The following UNC5C variants were observed in gnomAD, a reference collection of about 807,000 sequenced individuals.
The protein encoded by UNC5C is unc-5 netrin receptor C.
Under a neutral mutation model 99.8 loss-of-function variants are expected in UNC5C, and 47 were observed. That is an observed-to-expected ratio of 0.47 (90% confidence interval 0.37 to 0.60). The LOEUF (loss-of-function observed/expected upper bound fraction) is 0.60, where lower values mean the gene tolerates loss of function less well. UNC5C is among the 20% of genes least tolerant of loss of function. The pLI is 0.00. For synonymous variants in UNC5C, 487 were observed against 452.2 expected (o/e 1.08, Z -0.98); for missense variants, 1,062 against 1,165.9 (o/e 0.91, Z 1.30).
At chr4:95,463,051 A>T (rs748393105) in intron 1 of UNC5C, among the ~76,000 whole-genome samples, 9 of 152,182 alleles carry the variant, frequency 5.9e-5, no homozygotes, top group Admixed American at 5.9e-4. Flanking sequence ...GTAGTCTTCC[A>T]GCTGCCGCCC....
chr4:95,215,997 G>T, intron 10 of UNC5C, 127 bp downstream of exon 10: 1 of 656,980 alleles, frequency 1.5e-6, no homozygotes, highest in Non-Finnish European at 2.5e-6. Context: ...TAGGTCAAGG[G>T]AAAAAGAATG....
rs560600116 is a variant in UNC5C, at chr4:95,521,164, C to T, written c.124+27570G>A. Among the ~76,000 whole-genome samples the T allele has an allele frequency of 4.6e-5, 7 of 150,968 alleles. No homozygotes were observed. In the South Asian group the frequency reaches 1.3e-3, roughly 27 times the overall value. The stretch of plus-strand genomic sequence containing the variant: ...ATCCTCACATTGCTTTTCCTTGGTA[C>T]ATACAGAAAGAGAGATCTAGTGTCT... On this transcript the variant is annotated intron_variant, in intron 1 of 15. Coordinates refer to ENST00000453304, the MANE Select transcript of UNC5C (RefSeq NM_003728.4).
chr4:95,424,050 G>C (rs1011847809), intron 1 of UNC5C, among the ~76,000 whole-genome samples: 1 of 151,988 alleles, frequency 6.6e-6, no homozygotes, highest in Non-Finnish European at 1.5e-5. Context: ...TAAATAAAAA[G>C]GTCAGCATTA....
chr4:95,497,174 C>T (rs558549789), intron 1 of UNC5C, among the ~76,000 whole-genome samples: 1 of 151,942 alleles, frequency 6.6e-6, no homozygotes, highest in African/African-American at 2.4e-5. Flanking sequence ...ACTTATTTTT[C>T]TTTGGGTAGA....
chr4:95,320,464 G>C (rs1579322105), intron 2 of UNC5C, among the ~76,000 whole-genome samples: 1 of 146,988 alleles, frequency 6.8e-6, no homozygotes, highest in Non-Finnish European at 1.5e-5. Context: ...GAAAGTAAAA[G>C]AGACTCTTCT....
chr4:95,501,014 T>G (rs546158134), intron 1 of UNC5C, among the ~76,000 whole-genome samples: 2 of 152,258 alleles, frequency 1.3e-5, no homozygotes, highest in African/African-American at 4.8e-5. Flanking sequence ...TACTACTCCC[T>G]GTGTGTTAAT....
chr4:95,275,700 T>C (rs1440698028), intron 4 of UNC5C, among the ~76,000 whole-genome samples: 1 of 152,240 alleles, frequency 6.6e-6, no homozygotes, highest in Non-Finnish European at 1.5e-5. Flanking sequence ...GAAAAACTTA[T>C]TGATTTGGAG....
intron 1 of UNC5C, among the ~76,000 whole-genome samples, chr4:95,451,683 TC>T (rs1747282780): frequency 6.6e-6 from 1 of 152,218 alleles, no homozygotes; most frequent in Non-Finnish European, 1.5e-5. Flanking sequence ...ATAAAATTCT[TC>T]TACAGACACT....
At chr4:95,442,892 T>C (rs925631972) in intron 1 of UNC5C, among the ~76,000 whole-genome samples, 1 of 152,146 alleles carries the variant, frequency 6.6e-6, no homozygotes, top group Admixed American at 6.5e-5. Flanking sequence ...TATAGCTTCT[T>C]CTTGTATTAT....
intron 11 of UNC5C, 40 bp from the exon 12 acceptor site, chr4:95,203,004 G>A: frequency 6.2e-7 from 1 of 1,603,590 alleles, no homozygotes; most frequent in Non-Finnish European, 8.5e-7. Context: ...AAGTCACCCA[G>A]GACGCATGCC....
intron 1 of UNC5C, among the ~76,000 whole-genome samples, chr4:95,539,128 T>C (rs1722852028): frequency 6.6e-6 from 1 of 152,216 alleles, no homozygotes. Context: ...ACCAGGGACA[T>C]GCTGTCTCTT....
chr4:95,322,981 T>C (rs1296951522), intron 2 of UNC5C, among the ~76,000 whole-genome samples: 2 of 151,646 alleles, frequency 1.3e-5, no homozygotes, highest in African/African-American at 2.4e-5. Context: ...GGTCAAATAT[T>C]GATAATTTCA....
rs564087106 is a variant in UNC5C, at chr4:95,488,287, A to T, written c.124+60447T>A. 3.3e-5 allele frequency among the ~76,000 whole-genome samples: 5 copies of T among 151,930 alleles called. No individual in the cohort carries two copies. In the South Asian group the frequency reaches 6.2e-4, roughly 19 times the overall value. Reference sequence around the variant, plus strand: ...ACACAATATACTGACAATATTATTCATAACAACAATTAAACAGAAATATTT... The same window carrying T: ...ACACAATATACTGACAATATTATTCTTAACAACAATTAAACAGAAATATTT... On this transcript the variant is annotated intron_variant, in intron 1 of 15. Coordinates refer to ENST00000453304, the MANE Select transcript of UNC5C (RefSeq NM_003728.4).
intron 5 of UNC5C, among the ~76,000 whole-genome samples, chr4:95,247,308 C>G (rs1739538434): frequency 6.6e-6 from 1 of 151,836 alleles, no homozygotes; most frequent in Non-Finnish European, 1.5e-5. Context: ...GAGGCTTGGA[C>G]AAGTTATTTT....
At chr4:95,422,980 T>C (rs1032219801) in intron 1 of UNC5C, among the ~76,000 whole-genome samples, 1 of 152,140 alleles carries the variant, frequency 6.6e-6, no homozygotes, top group Admixed American at 6.5e-5. Context: ...AATTTTAAAT[T>C]TGTTGATTTT....
Position 95,197,947 on chromosome 4 carries a change from T to A in UNC5C, c.2136+4784A>T, listed in dbSNP as rs1323743197. Among the ~76,000 whole-genome samples the A allele has an allele frequency of 2.0e-5, 3 of 149,046 alleles. No homozygotes were observed. In the East Asian group the frequency reaches 5.9e-4, roughly 29 times the overall value. ...TAAGACCAGGGGAGGGTTTTTGGAC[T>A]GGGAAACTGCAGCAGGTTGAGGGAG... On this transcript the variant is annotated intron_variant, in intron 12 of 15. Coordinates refer to ENST00000453304, the MANE Select transcript of UNC5C (RefSeq NM_003728.4).
At chr4:95,515,135 T>C (rs907182810) in intron 1 of UNC5C, among the ~76,000 whole-genome samples, 16 of 152,308 alleles carry the variant, frequency 1.1e-4, no homozygotes, top group Admixed American at 9.2e-4. Context: ...ATATGTAACA[T>C]GGAAAGCTAA....
At position 95,259,863 on chromosome 4, in the gene UNC5C, A is replaced by G. The variant is rs1740156255; in HGVS notation, c.595-9196T>C. 2.0e-5 allele frequency among the ~76,000 whole-genome samples: 3 copies of G among 152,192 alleles called. No homozygotes were observed. In the South Asian group the frequency reaches 6.2e-4, roughly 31 times the overall value. On this transcript the variant is annotated intron_variant, in intron 4 of 15. Transcript: ENST00000453304. ...TTTTACCTAGACCATCTATATTTTT[A>G]TAATTTTTAATTTACTTTTATGGGT...
intron 1 of UNC5C, among the ~76,000 whole-genome samples, chr4:95,521,254 G>T (rs1314925072): frequency 2.6e-5 from 3 of 114,970 alleles, no homozygotes; most frequent in Admixed American, 1.2e-4. Flanking sequence ...TTTCGCTCTT[G>T]TTGCCCAGGC....
Sources: allele counts gnomAD v4.1 joint callset (sites outside exome capture counted in the v4.1 genomes callset), GRCh38; gene constraint gnomAD v4.1.1; transcripts MANE v1.5; gene names NCBI Gene and HGNC (gene_info 2026-07-23, HGNC 2026-07-21).